The following KIF26B variants were observed in gnomAD, a reference collection of about 807,000 sequenced individuals.
KIF26B encodes kinesin-like protein KIF26B.
A neutral mutation model predicts 151.2 loss-of-function variants in KIF26B; 63 were observed. The ratio of observed to expected loss-of-function variants is 0.42; its 90% CI spans 0.34 to 0.51. KIF26B has a LOEUF of 0.51. KIF26B is among the 20% of genes least tolerant of loss of function. KIF26B has a pLI of 0.07. For synonymous variants in KIF26B, 1,357 were observed against 1,262.1 expected, an observed-to-expected ratio of 1.08 and a Z score of -1.59; for missense variants, 2,813 against 2,913.6, an observed-to-expected ratio of 0.97 and a Z score of 0.79.
At chr1:245,473,208 T>A (rs1454609372) in intron 4 of KIF26B, among the ~76,000 whole-genome samples, 1 of 152,252 alleles carries the variant, frequency 6.6e-6, no homozygotes, top group Non-Finnish European at 1.5e-5. Context: ...ACTTGCTCAA[T>A]AAAGACCCTC....
intron 9 of KIF26B, among the ~76,000 whole-genome samples, chr1:245,612,888 G>C (rs1034872135): frequency 9.9e-5 from 15 of 152,168 alleles, no homozygotes; most frequent in African/African-American, 1.7e-4. Context: ...CCTCTTGGCT[G>C]TGTTTCCAAA....
chr1:245,451,554 A>G (rs1246175852), intron 4 of KIF26B, among the ~76,000 whole-genome samples: 1 of 147,846 alleles, frequency 6.8e-6, no homozygotes, highest in Non-Finnish European at 1.5e-5. Flanking sequence ...TCCTTTGGGT[A>G]CAAAGTATAA....
intron 12 of KIF26B, among the ~76,000 whole-genome samples, chr1:245,690,254 G>A (rs904209343): frequency 2.0e-5 from 3 of 152,296 alleles, no homozygotes; most frequent in East Asian, 1.9e-4. Flanking sequence ...CAGGGCGGCC[G>A]GGTTCCTGCC....
At chr1:245,701,648 T>C (rs530629339) in intron 14 of KIF26B, among the ~76,000 whole-genome samples, 3 of 152,310 alleles carry the variant, frequency 2.0e-5, no homozygotes, top group Admixed American at 6.5e-5. Context: ...ATTTTATTCT[T>C]CACAGCAACT....
At chr1:245,362,200 G>C (rs1262955116) in intron 2 of KIF26B, among the ~76,000 whole-genome samples, 3 of 151,268 alleles carry the variant, frequency 2.0e-5, no homozygotes, top group Non-Finnish European at 4.4e-5. Flanking sequence ...GAGATGTAAA[G>C]GTCAGGGAGC....
chr1:245,410,622 G>A (rs563683059), intron 3 of KIF26B, among the ~76,000 whole-genome samples: 9 of 152,182 alleles, frequency 5.9e-5, no homozygotes, highest in Admixed American at 5.9e-4. Flanking sequence ...CCTAATTTTT[G>A]TATTTTTGGT....
rs1285993673 is a variant in KIF26B, at chr1:245,155,179, G to C, written c.-246G>C. 6.3e-5 allele frequency: 35 copies of C among 558,326 alleles called. No individual in the cohort carries two copies. Among genetic ancestry groups the C allele is most frequent in the South Asian group, 4.6e-4 (18 of 39,438 alleles). The allele number at this position is 558,326 out of a possible 1,614,324, so 34.6% of individuals were successfully genotyped here. A position where few individuals can be genotyped will look rare whatever the true frequency, so the allele number is the denominator to read the frequency against. The stretch of plus-strand genomic sequence containing the variant: ...AGAGGACGTGCGGCTGGAAGAGGCA[G>C]AAGGGGACGAGGAAAAGCATGCTTT... On this transcript the variant is annotated 5_prime_UTR_variant, in exon 1 of 15. Transcript: ENST00000407071.
At chr1:245,521,856 T>C (rs564945728) in intron 4 of KIF26B, among the ~76,000 whole-genome samples, 3 of 152,072 alleles carry the variant, frequency 2.0e-5, no homozygotes, top group Non-Finnish European at 4.4e-5. Flanking sequence ...TTGTACCCTT[T>C]TGGTCCATTT....
At chr1:245,224,255 A>G (rs1669831258) in intron 2 of KIF26B, among the ~76,000 whole-genome samples, 1 of 151,122 alleles carries the variant, frequency 6.6e-6, no homozygotes, top group African/African-American at 2.4e-5. Context: ...ACTGCACTCC[A>G]GCCTGGGCAA....
intron 5 of KIF26B, among the ~76,000 whole-genome samples, chr1:245,577,864 G>A (rs2043140733): frequency 6.7e-6 from 1 of 149,686 alleles, no homozygotes; most frequent in Non-Finnish European, 1.5e-5. Flanking sequence ...TCCGGGCGAT[G>A]CATCCCCTCA....
chr1:245,504,542 G>A (rs548445910), intron 4 of KIF26B, among the ~76,000 whole-genome samples: 1 of 151,852 alleles, frequency 6.6e-6, no homozygotes, highest in East Asian at 1.9e-4. Flanking sequence ...TTGACCTCCT[G>A]GGCTCAAGCA....
chr1:245,546,696 C>T (rs1311117988), intron 5 of KIF26B, among the ~76,000 whole-genome samples: 2 of 152,220 alleles, frequency 1.3e-5, no homozygotes, highest in African/African-American at 4.8e-5. Context: ...CATTCTTAAA[C>T]ACTAAAGTTG....
chr1:245,155,297 C>T lies in KIF26B; in HGVS notation c.-128C>T, dbSNP rs530013356. On this transcript the variant is annotated 5_prime_UTR_variant, in exon 1 of 15. Transcript: ENST00000407071. ...TTGCTTTCATTCCCTCCCACCCCACCGCTGAAGAAACCTTGCCCTGAGGGC... is the reference window on the plus strand; with the variant it reads ...TTGCTTTCATTCCCTCCCACCCCACTGCTGAAGAAACCTTGCCCTGAGGGC... The T allele has an allele frequency of 2.9e-5, 21 of 732,642 alleles. No homozygotes were observed. Among genetic ancestry groups the T allele is most frequent in the South Asian group, 1.3e-4 (8 of 59,866 alleles). The allele number at this position is 732,642 out of a possible 1,614,324, so 45.4% of individuals were successfully genotyped here. A position where few individuals can be genotyped will look rare whatever the true frequency, so the allele number is the denominator to read the frequency against.
At chr1:245,690,871 G>A (rs6700721) in intron 12 of KIF26B, among the ~76,000 whole-genome samples, 89,714 of 152,056 alleles carry the variant, frequency 0.59, 28,391 homozygotes, top group Middle Eastern at 0.73. Flanking sequence ...TCCGTGTAAC[G>A]TAGCAGCTTC....
chr1:245,521,323 A>G (rs1354416869), intron 4 of KIF26B, among the ~76,000 whole-genome samples: 1 of 150,006 alleles, frequency 6.7e-6, no homozygotes. Flanking sequence ...CCTGAGTGAC[A>G]GAGCGAGACT....
chr1:245,659,846 C>G (rs2044115115), intron 10 of KIF26B, among the ~76,000 whole-genome samples: 3 of 151,180 alleles, frequency 2.0e-5, no homozygotes, highest in Admixed American at 2.0e-4. Context: ...TAAGACCAGA[C>G]TGACCAACAT....
intron 4 of KIF26B, among the ~76,000 whole-genome samples, chr1:245,502,668 T>TTGAA (rs1181914308): frequency 1.3e-5 from 2 of 152,122 alleles, no homozygotes; most frequent in African/African-American, 4.8e-5. Context: ...TATGTATTTG[T>TTGAA]TGAATGAATG....
At chr1:245,276,419 G>C (rs1417607103) in intron 2 of KIF26B, among the ~76,000 whole-genome samples, 1 of 152,182 alleles carries the variant, frequency 6.6e-6, no homozygotes, top group Non-Finnish European at 1.5e-5. Context: ...GGAGTTAGGG[G>C]TTTTCTCCTG....
chr1:245,181,205 C>A (rs1668900577), intron 2 of KIF26B, among the ~76,000 whole-genome samples: 1 of 152,138 alleles, frequency 6.6e-6, no homozygotes, highest in South Asian at 2.1e-4. Context: ...GATTTCCCCC[C>A]CTTCTTTCTT....
Sources: allele counts gnomAD v4.1 joint callset (sites outside exome capture counted in the v4.1 genomes callset), GRCh38; gene constraint gnomAD v4.1.1; transcripts MANE v1.5; gene names NCBI Gene and HGNC (gene_info 2026-07-23, HGNC 2026-07-21).